NLRP2: variants seen among roughly 807,000 people sequenced by gnomAD.
NLRP2 encodes the protein NLR family pyrin domain containing 2.
A neutral mutation model predicts 97.2 loss-of-function variants in NLRP2; 107 were observed. The observed-to-expected ratio is 1.10, with a 90% confidence interval of 0.94 to 1.29. NLRP2 has a LOEUF of 1.29. Among genes scored for constraint, NLRP2 ranks in the 50% most tolerant of loss-of-function variants. The pLI is 0.00. For synonymous variants in NLRP2, 663 were observed against 551.5 expected, an observed-to-expected ratio of 1.20 and a Z score of -2.83; for missense variants, 1,495 against 1,330.3, an observed-to-expected ratio of 1.12 and a Z score of -1.93.
chr19:54,997,098 C>T (rs540257363), intron 11 of NLRP2, among the ~76,000 whole-genome samples: 2 of 152,218 alleles, frequency 1.3e-5, no homozygotes, highest in African/African-American at 2.4e-5. Context: ...AGTAGAGACA[C>T]GGTTTTACCA....
intron 3 of NLRP2, among the ~76,000 whole-genome samples, chr19:54,975,741 C>T (rs140744979): frequency 0.012 from 1,756 of 152,014 alleles, 14 homozygotes; most frequent in Non-Finnish European, 0.016. Flanking sequence ...CGTGAGCCAC[C>T]GCGCCCGGCC....
intron 3 of NLRP2, chr19:54,976,922 C>A: frequency 2.6e-6 from 1 of 392,144 alleles, no homozygotes; most frequent in South Asian, 1.9e-5. Flanking sequence ...TCAAGCAATT[C>A]CCTTGCCTCA....
chr19:54,979,606 C>G (rs1265597752), intron 4 of NLRP2, among the ~76,000 whole-genome samples: 1 of 152,070 alleles, frequency 6.6e-6, no homozygotes, highest in African/African-American at 2.4e-5. Context: ...CCACTTCGGC[C>G]TCCCAAAGTG....
rs73609931 is a variant in NLRP2, at chr19:54,996,006, C to A, written c.2880-1311C>A. 8.4e-3 allele frequency among the ~76,000 whole-genome samples: 1,229 copies of A among 146,638 alleles called. 15 individuals are homozygous for A. The highest frequency in any genetic ancestry group is 0.03 in the African/African-American group (1,181 of 39,372). On this transcript the variant is annotated intron_variant, in intron 11 of 12. Transcript: ENST00000448584. Reference sequence around the variant, plus strand: ...AGCGAATTGAGATCACGTCACCTCACTCCAGCCTGGGTGACAGTGAGATCC... The same window carrying A: ...AGCGAATTGAGATCACGTCACCTCAATCCAGCCTGGGTGACAGTGAGATCC...
intron 12 of NLRP2, 25 bp from the exon 13 acceptor site, chr19:55,000,735 C>G: frequency 1.9e-6 from 3 of 1,612,404 alleles, no homozygotes; most frequent in Non-Finnish European, 2.5e-6. Context: ...ACAAAGTAAC[C>G]TTTTCTTCCC....
At chr19:54,984,101 G>A (rs910668908) in intron 6 of NLRP2, among the ~76,000 whole-genome samples, 3 of 144,296 alleles carry the variant, frequency 2.1e-5, no homozygotes, top group African/African-American at 7.4e-5. Context: ...TGATCCACCT[G>A]CCTCAGCCTC....
chr19:54,977,486 T>TG (rs2071311946), intron 3 of NLRP2, among the ~76,000 whole-genome samples: 2 of 86,938 alleles, frequency 2.3e-5, no homozygotes, highest in African/African-American at 1.2e-4. Context: ...GCGTGAGTAG[T>TG]TTGTGTGTGT....
At chr19:54,998,315 G>C (rs1462607615) in intron 12 of NLRP2, among the ~76,000 whole-genome samples, 2 of 151,942 alleles carry the variant, frequency 1.3e-5, no homozygotes, top group African/African-American at 4.8e-5. Flanking sequence ...ACCGCACCCG[G>C]CCTGAGTTGT....
intron 8 of NLRP2, chr19:54,989,729 A>T (rs2072330723): frequency 3.8e-6 from 2 of 520,868 alleles, no homozygotes; most frequent in Non-Finnish European, 6.9e-6. Context: ...CACGCCTGTC[A>T]TCCCAGCACT....
Position 54,997,792 on chromosome 19 carries a change from T to C in NLRP2, c.3050+305T>C, listed in dbSNP as rs377247297. ...TTTTTCCTTTGAGGCAAGAACTCAC[T>C]ATGTTCCCCAGGCTGGAGTCCAGCA... is the stretch of plus-strand genomic sequence containing the variant. On this transcript the variant is annotated intron_variant, in intron 12 of 12. Coordinates refer to ENST00000448584, the MANE Select transcript of NLRP2 (RefSeq NM_017852.5). Among the ~76,000 whole-genome samples, 5 of 149,932 alleles carry C rather than the reference T, an allele frequency of 3.3e-5. No homozygotes were observed. The East Asian group carries it at 8.0e-4, about 24-fold the overall frequency.
At chr19:54,992,154 C>T (rs560818372) in intron 10 of NLRP2, among the ~76,000 whole-genome samples, 34 of 151,714 alleles carry the variant, frequency 2.2e-4, no homozygotes, top group Admixed American at 3.3e-4. Context: ...CCTCATGATC[C>T]GCCCGCCTCA....
rs762417448 is a variant in NLRP2, at chr19:54,985,101, T to G, written c.2085T>G (p.Phe695Leu). 1 of 1,614,178 alleles carries G rather than the reference T, an allele frequency of 6.2e-7. No individual in the cohort carries two copies. ...TCTGGACGGACCTTTGTTCCATATT[T>G]GGATCAAATAAGGATCTGATGGGTC... ...LPFWTDLCSIFGSNKDLMGLA... is the reference protein window; with the variant it reads ...LPFWTDLCSILGSNKDLMGLA... The change falls in exon 7 of 13, where the codon TTT becomes TTG. Residue 695 changes from phenylalanine to leucine, a missense_variant. Phe to Leu is a conservative substitution (Grantham distance 22). Transcript: ENST00000448584.
At position 54,982,963 on chromosome 19, in the gene NLRP2, G is replaced by C. The variant is rs1259069656; in HGVS notation, c.1265G>C (p.Cys422Ser). The C allele has an allele frequency of 1.2e-5, 19 of 1,611,950 alleles. No homozygotes were observed. Among genetic ancestry groups the C allele is most frequent in the Non-Finnish European group, 1.6e-5 (19 of 1,179,850 alleles). ...MEKGEDPVPT[C>S]LTRTGLFLRF... ...AAGGGGGAGGACCCGGTCCCCACCT[G>C]CCTCACCCGCACGGGGCTGTTCCTG... The change falls in exon 6 of 13, where the codon TGC (cysteine) becomes TCC (serine). Residue 422 changes from cysteine to serine, a missense_variant. Physicochemically the swap from Cys to Ser is moderately radical, Grantham distance 112. Transcript: ENST00000448584.
chr19:54,974,618 G>A, intron 3 of NLRP2, 74 bp downstream of exon 3: 3 of 1,068,396 alleles, frequency 2.8e-6, no homozygotes, highest in South Asian at 1.3e-5. Flanking sequence ...TAAGGAGAAT[G>A]TGCTGAGCAC....
chr19:54,981,509 G>GGCCCCCCCCCCCCCCCCCCCCCCCCCCC lies in NLRP2; in HGVS notation c.398-108_398-107insGCCCCCCCCCCCCCCCCCCCCCCCCCCC. Reference sequence around the variant, plus strand: ...GCTTATTTGCTTTATCTGATCCCGTGCCCCCCCTCCCCCCCGCCCCATCAG... The same window carrying GGCCCCCCCCCCCCCCCCCCCCCCCCCCC: ...GCTTATTTGCTTTATCTGATCCCGTGGCCCCCCCCCCCCCCCCCCCCCCCCCCCCCCCCCCTCCCCCCCGCCCCATCAG... On this transcript the variant is annotated intron_variant, in intron 4 of 12. Coordinates refer to ENST00000448584, the MANE Select transcript of NLRP2 (RefSeq NM_017852.5). 1.0e-5 allele frequency: 4 copies of GGCCCCCCCCCCCCCCCCCCCCCCCCCCC among 386,504 alleles called. 1 individual carries two copies. The highest frequency in any genetic ancestry group is 1.1e-5 in the Non-Finnish European group (2 of 188,732). 23.9% of individuals were successfully genotyped at this position (386,504 alleles called of 1,614,324 possible).
At position 54,967,917 on chromosome 19, in the gene NLRP2, A is replaced by ATT. The variant is rs55659818; in HGVS notation, c.-18+1468_-18+1469dup. 4.4e-3 allele frequency among the ~76,000 whole-genome samples: 556 copies of ATT among 126,286 alleles called. 6 individuals carry two copies. Among genetic ancestry groups the ATT allele is most frequent in the African/African-American group, 0.014 (488 of 34,334 alleles). 82.8% of individuals were successfully genotyped at this position (126,286 alleles called of 152,430 possible). A position where few individuals can be genotyped will look rare whatever the true frequency, so the allele number is the denominator to read the frequency against. On this transcript the variant is annotated intron_variant, in intron 1 of 12. Coordinates refer to ENST00000448584, the MANE Select transcript of NLRP2 (RefSeq NM_017852.5). ...CTGTAAAGTTTTTGTTGCTACTGCT[A>ATT]TTTTTTTTTTTTTTTTTTTGAGACA...
At chr19:54,991,511 C>T (rs2072472091) in intron 10 of NLRP2, 2 of 151,688 alleles carry the variant, frequency 1.3e-5, no homozygotes, top group African/African-American at 4.8e-5. Context: ...TGAGATGGCA[C>T]CACTGAAGTC....
At chr19:54,968,713 T>TTTTTTTTTTTTTTTTTTTTG (rs1454134577) in intron 1 of NLRP2, among the ~76,000 whole-genome samples, 1 of 135,666 alleles carries the variant, frequency 7.4e-6, no homozygotes. Flanking sequence ...TTTTTTTTTT[T>TTTTTTTTTTTTTTTTTTTTG]GAGACAGTTT....
At chr19:55,000,527 C>T (rs565038076) in intron 12 of NLRP2, among the ~76,000 whole-genome samples, 2 of 150,726 alleles carry the variant, frequency 1.3e-5, no homozygotes, top group East Asian at 4.0e-4. Flanking sequence ...ATCCACCCGC[C>T]TCAGCCTCCT....
Sources: allele counts gnomAD v4.1 joint callset (sites outside exome capture counted in the v4.1 genomes callset), GRCh38; gene constraint gnomAD v4.1.1; transcripts MANE v1.5; gene names NCBI Gene and HGNC (gene_info 2026-07-23, HGNC 2026-07-21).